Variants in UNC13B observed in about 807,000 individuals in gnomAD.
UNC13B encodes the protein unc-13 homolog B.
UNC13B carries 144 observed loss-of-function variants against 211.0 expected under a neutral mutation model. That is an observed-to-expected ratio of 0.68 (90% confidence interval 0.60 to 0.78). The LOEUF (loss-of-function observed/expected upper bound fraction) is 0.78. UNC13B is among the 30% of genes least tolerant of loss of function. The pLI is 0.00. For missense variants in UNC13B, 1,777 were observed against 2,002.0 expected (o/e 0.89, Z 2.14); for synonymous variants, 709 against 725.8 (o/e 0.98, Z 0.37).
chr9:35,245,027 C>G (rs1182492380), intron 6 of UNC13B, among the ~76,000 whole-genome samples: 2 of 152,172 alleles, frequency 1.3e-5, no homozygotes, highest in African/African-American at 4.8e-5. Context: ...TCTTTCTCCA[C>G]TTAGTAACTC....
intron 11 of UNC13B, 89 bp from the exon 12 acceptor site, chr9:35,366,858 T>C (rs1833802066): frequency 1.8e-6 from 2 of 1,131,988 alleles, no homozygotes; most frequent in Non-Finnish European, 2.7e-6. Context: ...TACACTGCTC[T>C]GGGCTTGTAC....
At chr9:35,199,880 A>T (rs1823178691) in intron 1 of UNC13B, among the ~76,000 whole-genome samples, 1 of 152,060 alleles carries the variant, frequency 6.6e-6, no homozygotes, top group East Asian at 1.9e-4. Flanking sequence ...TTTTGTTGCC[A>T]TTGCTTTTGG....
chr9:35,327,864 C>G (rs1831108389), intron 11 of UNC13B, among the ~76,000 whole-genome samples: 2 of 152,178 alleles, frequency 1.3e-5, no homozygotes, highest in African/African-American at 4.8e-5. Context: ...TTCTGTTTCT[C>G]TAATATACGC....
At chr9:35,352,851 C>G in intron 11 of UNC13B, 2 of 1,232,110 alleles carry the variant, frequency 1.6e-6, no homozygotes, top group South Asian at 4.1e-5. Context: ...TCTGGGAAGT[C>G]CCAGTTTTTC....
chr9:35,221,454 C>T (rs7858966), intron 1 of UNC13B, among the ~76,000 whole-genome samples: 149,737 of 152,334 alleles, frequency 0.98, 73,641 homozygotes, highest in East Asian at 1. Flanking sequence ...ATTGACTTGT[C>T]TGAGCTCCTT....
chr9:35,291,228 A>G, intron 7 of UNC13B: 1 of 929,982 alleles, frequency 1.1e-6, no homozygotes, highest in South Asian at 1.7e-5. Flanking sequence ...TCCTACTTAA[A>G]TATCGGGAGA....
chr9:35,335,385 A>G (rs774397655), intron 11 of UNC13B, among the ~76,000 whole-genome samples: 2 of 152,218 alleles, frequency 1.3e-5, no homozygotes, highest in African/African-American at 2.4e-5. Context: ...TGCAGCTGCT[A>G]TTTACCACTA....
intron 6 of UNC13B, among the ~76,000 whole-genome samples, chr9:35,245,717 A>G (rs1235399642): frequency 6.6e-6 from 1 of 151,988 alleles, no homozygotes; most frequent in Non-Finnish European, 1.5e-5. Context: ...TCCATGGTGT[A>G]TATGTGCCAC....
At chr9:35,403,654 T>TG in intron 39 of UNC13B, 55 bp downstream of exon 39, 2 of 186,420 alleles carry the variant, frequency 1.1e-5, no homozygotes, top group Middle Eastern at 1.5e-3. Flanking sequence ...ACTTGAGGGG[T>TG]GGGGGGAGAG....
intron 7 of UNC13B, among the ~76,000 whole-genome samples, chr9:35,278,773 G>A (rs1026864748): frequency 6.6e-6 from 1 of 151,866 alleles, no homozygotes; most frequent in African/African-American, 2.4e-5. Context: ...TACAAAATTC[G>A]ATGTAAAAAT....
chr9:35,333,201 A>G (rs993158407), intron 11 of UNC13B, among the ~76,000 whole-genome samples: 5 of 152,248 alleles, frequency 3.3e-5, no homozygotes, highest in African/African-American at 1.2e-4. Flanking sequence ...AAAATGTCTG[A>G]CTTTATATCC....
At chr9:35,162,735 A>C (rs914739086) in intron 1 of UNC13B, among the ~76,000 whole-genome samples, 1 of 152,176 alleles carries the variant, frequency 6.6e-6, no homozygotes, top group East Asian at 1.9e-4. Flanking sequence ...CGTTAGTGGT[A>C]CAGCTGTCAC....
intron 11 of UNC13B, among the ~76,000 whole-genome samples, chr9:35,344,908 T>C (rs1587664732): frequency 1.3e-5 from 2 of 152,224 alleles, no homozygotes; most frequent in South Asian, 4.1e-4. Flanking sequence ...TTTGTTTGTT[T>C]GTTTGTTTTT....
intron 17 of UNC13B, among the ~76,000 whole-genome samples, chr9:35,379,694 TA>T (rs1834688488): frequency 6.6e-6 from 1 of 152,210 alleles, no homozygotes; most frequent in Non-Finnish European, 1.5e-5. Context: ...CAAAAATGAA[TA>T]GAACAATCCC....
chr9:35,269,995 T>G (rs1827783909), intron 7 of UNC13B, among the ~76,000 whole-genome samples: 1 of 152,208 alleles, frequency 6.6e-6, no homozygotes, highest in Non-Finnish European at 1.5e-5. Flanking sequence ...GTGTTCCTTT[T>G]AACTAGATCC....
chr9:35,210,643 C>T (rs959686482), intron 1 of UNC13B, among the ~76,000 whole-genome samples: 2 of 152,088 alleles, frequency 1.3e-5, no homozygotes, highest in African/African-American at 4.8e-5. Context: ...CATTCCTCAG[C>T]CTCCCGAGTA....
chr9:35,341,040 C>T (rs1010051700), intron 11 of UNC13B, among the ~76,000 whole-genome samples: 1 of 152,098 alleles, frequency 6.6e-6, no homozygotes, highest in Non-Finnish European at 1.5e-5. Context: ...TAGTGAGTCT[C>T]CAGGGAGATA....
chr9:35,315,327 A>G (rs1830395816), intron 11 of UNC13B, among the ~76,000 whole-genome samples: 1 of 152,212 alleles, frequency 6.6e-6, no homozygotes, highest in Non-Finnish European at 1.5e-5. Context: ...CAGATATTAA[A>G]AGCACAATCA....
rs1564097586 is a variant in UNC13B at position 35,257,308 on chromosome 9, A to AATATAAATATTTATATAAATATTT, written c.469-1670_469-1669insTAAATATTTATATAAATATTTATA. On this transcript the variant is annotated intron_variant, in intron 6 of 39. Coordinates refer to ENST00000635942, the MANE Select transcript of UNC13B (RefSeq NM_001371189.2). ...ACCCCCATTTTTTATATTTATAAAA[A>AATATAAATATTTATATAAATATTT]ATATAAATATTTATAAAAATATTTA... Among the ~76,000 whole-genome samples, 7 of 98,336 alleles carry AATATAAATATTTATATAAATATTT rather than the reference A, an allele frequency of 7.1e-5. 1 individual carries two copies. The highest frequency in any genetic ancestry group is 2.0e-4 in the Admixed American group (2 of 10,048). The allele number at this position is 98,336 out of a possible 152,430, so 64.5% of individuals were successfully genotyped here. A position where few individuals can be genotyped will look rare whatever the true frequency, so the allele number is the denominator to read the frequency against.
Sources: gnomAD v4.1 joint callset for allele counts (sites outside exome capture counted in the v4.1 genomes callset) on GRCh38, gnomAD v4.1.1 for gene constraint, MANE v1.5 for transcripts, NCBI Gene and HGNC (gene_info 2026-07-23, HGNC 2026-07-21) for gene names.